Variants in MYO3A observed in about 807,000 individuals in gnomAD.
The protein encoded by MYO3A is myosin IIIA.
A neutral mutation model predicts 192.7 loss-of-function variants in MYO3A; 180 were observed. The observed-to-expected ratio is 0.93, with a 90% CI of 0.83 to 1.06. MYO3A has a LOEUF of 1.06. Ranked by LOEUF, MYO3A falls within the 50% of genes least tolerant of loss-of-function variation. The pLI is 0.00. For synonymous variants in MYO3A, 628 were observed against 645.3 expected, an observed-to-expected ratio of 0.97 and a Z score of 0.41; for missense variants, 1,896 against 1,905.0, an observed-to-expected ratio of 1.00 and a Z score of 0.09.
At chr10:25,989,413 C>T (rs141363205) in intron 4 of MYO3A, among the ~76,000 whole-genome samples, 1 of 152,234 alleles carries the variant, frequency 6.6e-6, no homozygotes, top group Admixed American at 6.5e-5. Context: ...CTTGTTTATG[C>T]AGCTAAAAGG....
At chr10:26,127,003 C>T (rs1024211948) in intron 19 of MYO3A, among the ~76,000 whole-genome samples, 9 of 152,092 alleles carry the variant, frequency 5.9e-5, no homozygotes, top group Admixed American at 2.0e-4. Flanking sequence ...GCCACTATCT[C>T]GTTATGGGAC....
At chr10:26,079,562 T>G (rs1374936440) in intron 14 of MYO3A, among the ~76,000 whole-genome samples, 16 of 152,234 alleles carry the variant, frequency 1.1e-4, no homozygotes. Context: ...CGTGTACTTT[T>G]GATTTTGTTT....
intron 7 of MYO3A, among the ~76,000 whole-genome samples, chr10:26,018,066 T>C (rs1437203919): frequency 6.6e-6 from 1 of 151,258 alleles, no homozygotes; most frequent in African/African-American, 2.4e-5. Flanking sequence ...TTATTTATTA[T>C]AACAAGCCAT....
chr10:26,203,320 A>G (rs1843762986), intron 34 of MYO3A, among the ~76,000 whole-genome samples: 1 of 152,122 alleles, frequency 6.6e-6, no homozygotes, highest in Non-Finnish European at 1.5e-5. Context: ...CTGAGTTTTT[A>G]TCTGTTTTCT....
intron 20 of MYO3A, among the ~76,000 whole-genome samples, chr10:26,137,344 A>G (rs1408723294): frequency 6.6e-6 from 1 of 152,244 alleles, no homozygotes; most frequent in African/African-American, 2.4e-5. Context: ...GCAGAGGAAC[A>G]TAAATTGTGA....
intron 17 of MYO3A, among the ~76,000 whole-genome samples, chr10:26,111,019 C>T (rs1464240609): frequency 6.6e-6 from 1 of 151,856 alleles, no homozygotes; most frequent in Non-Finnish European, 1.5e-5. Flanking sequence ...TGATTACAAC[C>T]ATGCCCAGCT....
chr10:26,107,102 G>C (rs1298536651), intron 17 of MYO3A, among the ~76,000 whole-genome samples: 1 of 151,954 alleles, frequency 6.6e-6, no homozygotes, highest in Non-Finnish European at 1.5e-5. Context: ...ATTTCTGGGA[G>C]AGATCTAGTA....
chr10:26,184,331 T>C (rs1842763278), intron 31 of MYO3A, among the ~76,000 whole-genome samples: 1 of 152,148 alleles, frequency 6.6e-6, no homozygotes, highest in Non-Finnish European at 1.5e-5. Context: ...AGATTTCCCA[T>C]AGATCACTCT....
intron 26 of MYO3A, among the ~76,000 whole-genome samples, chr10:26,159,778 A>G (rs571086638): frequency 6.6e-6 from 1 of 152,314 alleles, no homozygotes; most frequent in East Asian, 1.9e-4. Context: ...AAAATTACAT[A>G]AACATATGAC....
intron 4 of MYO3A, among the ~76,000 whole-genome samples, chr10:25,956,495 A>ATTTTTTTTTTTTTTTTT (rs562368305): frequency 3.1e-5 from 4 of 128,846 alleles, no homozygotes; most frequent in South Asian, 2.5e-4. Flanking sequence ...GCCCAGCTAA[A>ATTTTTTTTTTTTTTTTT]TTTTTTTTTT....
intron 15 of MYO3A, among the ~76,000 whole-genome samples, chr10:26,093,743 G>A (rs192156047): frequency 1.3e-4 from 20 of 152,174 alleles, no homozygotes; most frequent in Admixed American, 5.9e-4. Flanking sequence ...CTACGTGATT[G>A]ACACCCAAAG....
chr10:25,996,775 T>G (rs1009904927), intron 5 of MYO3A, among the ~76,000 whole-genome samples, 181 bp downstream of exon 5: 1 of 152,214 alleles, frequency 6.6e-6, no homozygotes, highest in South Asian at 2.1e-4. Context: ...AAATTTACTT[T>G]CATTGGACCA....
At chr10:26,108,254 C>G (rs1837951585) in intron 17 of MYO3A, among the ~76,000 whole-genome samples, 2 of 152,290 alleles carry the variant, frequency 1.3e-5, no homozygotes, top group South Asian at 4.1e-4. Context: ...TAGATGAACT[C>G]TTTCCGCAAT....
In MYO3A at chr10:26,193,292, C is replaced by G. The variant is rs1258761787; in HGVS notation, c.4526C>G (p.Thr1509Arg). 1 of 1,613,068 alleles carries G rather than the reference C, an allele frequency of 6.2e-7. No homozygotes were observed. The highest frequency in any genetic ancestry group is 1.3e-5 in the African/African-American group (1 of 74,846). ...ACATTAAATAACCCTGAAGACTCCACATACTATTATCTACTTCATGTAAGT... is the reference window on the plus strand; with the variant it reads ...ACATTAAATAACCCTGAAGACTCCAGATACTATTATCTACTTCATGTAAGT... ...PKTLNNPEDSTYYYLLHKSIQ... is the reference protein window; with the variant it reads ...PKTLNNPEDSRYYYLLHKSIQ... The change falls in exon 32 of 35, where the codon ACA (threonine) becomes AGA (arginine). Residue 1509 changes from threonine to arginine, a missense_variant. By Grantham distance (71) the Thr-to-Arg change is moderately conservative. Coordinates refer to ENST00000642920, the MANE Select transcript of MYO3A (RefSeq NM_017433.5).
At position 26,096,605 on chromosome 10, in the gene MYO3A, A is replaced by G. The variant is rs911862347; in HGVS notation, c.1699A>G (p.Ile567Val). Reference protein sequence around the residue: ...QNDHLRTVQDIMNNSFYKSQY... With the variant: ...QNDHLRTVQDVMNNSFYKSQY... Reference sequence around the variant, plus strand: ...TGACCACCTCAGAACAGTACAAGACATCATGAATAATAGTTTCTATAAATC... The same window carrying G: ...TGACCACCTCAGAACAGTACAAGACGTCATGAATAATAGTTTCTATAAATC... Residue 567 changes from isoleucine (I) to valine (V), a missense_variant, in exon 17 of 35, where the codon ATC becomes GTC. Coordinates refer to ENST00000642920, the MANE Select transcript of MYO3A (RefSeq NM_017433.5). 1.9e-6 allele frequency: 3 copies of G among 1,605,624 alleles called. No homozygotes were observed. Among genetic ancestry groups the G allele is most frequent in the Non-Finnish European group, 2.6e-6 (3 of 1,172,486 alleles).
chr10:26,025,719 C>G (rs775963078), intron 9 of MYO3A, among the ~76,000 whole-genome samples: 9 of 152,204 alleles, frequency 5.9e-5, no homozygotes, highest in Non-Finnish European at 1.3e-4. Context: ...TACATTTGTT[C>G]AAATGCTCCT....
At chr10:26,164,273 A>G (rs1451958376) in intron 26 of MYO3A, among the ~76,000 whole-genome samples, 2 of 152,250 alleles carry the variant, frequency 1.3e-5, no homozygotes, top group African/African-American at 4.8e-5. Context: ...ACAACACACA[A>G]ACATCCATTT....
intron 6 of MYO3A, among the ~76,000 whole-genome samples, chr10:25,998,536 G>GTACTAA (rs1406812989): frequency 6.6e-6 from 1 of 152,020 alleles, no homozygotes; most frequent in Non-Finnish European, 1.5e-5. Flanking sequence ...CTGGGTTAGT[G>GTACTAA]TACTAATAAG....
At chr10:26,070,030 A>T in intron 12 of MYO3A, 81 bp from the exon 13 acceptor site, 2 of 1,008,378 alleles carry the variant, frequency 2.0e-6, no homozygotes, top group South Asian at 2.9e-5. Context: ...TTGCTTTAAA[A>T]ATTGGAGCTA....
Sources: gnomAD v4.1 joint callset for allele counts (sites outside exome capture counted in the v4.1 genomes callset) on GRCh38, gnomAD v4.1.1 for gene constraint, MANE v1.5 for transcripts, NCBI Gene and HGNC (gene_info 2026-07-23, HGNC 2026-07-21) for gene names.